The following NKAIN2 variants were observed in gnomAD, a reference collection of about 807,000 sequenced individuals.
NKAIN2 encodes the protein sodium/potassium transporting ATPase interacting 2.
A neutral mutation model predicts 32.6 loss-of-function variants in NKAIN2; 14 were observed. The observed-to-expected ratio is 0.43, with a 90% CI of 0.28 to 0.67. The LOEUF (loss-of-function observed/expected upper bound fraction) is 0.67, where lower values mean the gene tolerates loss of function less well. NKAIN2 is among the 30% of genes least tolerant of loss of function. The pLI is 0.17. For missense variants in NKAIN2, 198 were observed against 258.3 expected (o/e 0.77, Z 1.60); for synonymous variants, 80 against 87.2 (o/e 0.92, Z 0.46).
chr6:124,404,806 T>G (rs1773776351), intron 3 of NKAIN2, among the ~76,000 whole-genome samples: 1 of 152,214 alleles, frequency 6.6e-6, no homozygotes, highest in Non-Finnish European at 1.5e-5. Context: ...ATCATTAAAA[T>G]ATAAATCTTG....
intron 1 of NKAIN2, among the ~76,000 whole-genome samples, chr6:124,044,252 A>T (rs1370074816): frequency 1.3e-5 from 2 of 151,998 alleles, no homozygotes; most frequent in African/African-American, 4.8e-5. Flanking sequence ...TAGTTTTAGG[A>T]CCAAAACAAA....
rs538233306 is a variant in NKAIN2 at position 123,866,950 on chromosome 6, TC to T, written c.54+62697del. Among the ~76,000 whole-genome samples, 11 of 152,304 alleles carry T rather than the reference TC, an allele frequency of 7.2e-5. No homozygotes were observed. The South Asian group carries it at 2.3e-3, about 32-fold the overall frequency. On this transcript the variant is annotated intron_variant, in intron 1 of 6. Transcript: ENST00000368417. ...TTCCCTCATTCTAAAATTCTCGTGT[TC>T]TCCCATAGTGACTTTATTTGTAACT...
At chr6:124,574,505 C>T (rs1169476742) in intron 3 of NKAIN2, among the ~76,000 whole-genome samples, 2 of 152,094 alleles carry the variant, frequency 1.3e-5, no homozygotes, top group African/African-American at 4.8e-5. Context: ...GTAATCCCAG[C>T]TACTCATAAA....
intron 3 of NKAIN2, among the ~76,000 whole-genome samples, chr6:124,569,608 G>A (rs554422381): frequency 1.3e-4 from 20 of 152,098 alleles, no homozygotes; most frequent in African/African-American, 4.3e-4. Flanking sequence ...AGAGGTTTCT[G>A]CTTTTGCTTC....
chr6:124,199,052 A>G (rs953505362), intron 1 of NKAIN2, among the ~76,000 whole-genome samples: 1 of 152,158 alleles, frequency 6.6e-6, no homozygotes, highest in African/African-American at 2.4e-5. Context: ...ATTCCTTTAT[A>G]ATATTAAAAT....
At chr6:123,940,417 T>G (rs905667978) in intron 1 of NKAIN2, among the ~76,000 whole-genome samples, 2 of 151,758 alleles carry the variant, frequency 1.3e-5, no homozygotes, top group Admixed American at 6.6e-5. Context: ...CATCATTTAA[T>G]GACAGGGATT....
At chr6:124,260,795 T>C (rs1356933602) in intron 1 of NKAIN2, among the ~76,000 whole-genome samples, 1 of 152,176 alleles carries the variant, frequency 6.6e-6, no homozygotes, top group Non-Finnish European at 1.5e-5. Flanking sequence ...TATGAGCTAT[T>C]GTAGAGAAAA....
chr6:124,233,457 G>A (rs1198294420), intron 1 of NKAIN2, among the ~76,000 whole-genome samples: 1 of 152,138 alleles, frequency 6.6e-6, no homozygotes, highest in Non-Finnish European at 1.5e-5. Flanking sequence ...CAGTGATGCT[G>A]CCAAAGCAAG....
intron 1 of NKAIN2, among the ~76,000 whole-genome samples, chr6:124,055,382 A>G (rs1562331881): frequency 1.3e-5 from 2 of 152,096 alleles, no homozygotes; most frequent in Non-Finnish European, 2.9e-5. Flanking sequence ...TAATACTTTT[A>G]TCATAGACTG....
chr6:123,937,475 A>G lies in NKAIN2; in HGVS notation c.54+133221A>G, dbSNP rs531955312. On this transcript the variant is annotated intron_variant, in intron 1 of 6. Coordinates refer to ENST00000368417, the MANE Select transcript of NKAIN2 (RefSeq NM_001040214.3). ...AGATTGAGCCCATGCATTGACACTT[A>G]TTTGCTCCAGTTTATATAATAAAAA... Among the ~76,000 whole-genome samples the G allele has an allele frequency of 5.3e-5, 8 of 152,126 alleles. No individual in the cohort carries two copies. The South Asian group carries it at 1.7e-3, about 32-fold the overall frequency.
At chr6:124,437,992 G>A (rs544232832) in intron 3 of NKAIN2, 45 of 403,834 alleles carry the variant, frequency 1.1e-4, no homozygotes, top group Non-Finnish European at 1.9e-4. Flanking sequence ...AAATACAGAG[G>A]CATGTGGATA....
chr6:124,610,056 G>C lies in NKAIN2; in HGVS notation c.274-48130G>C, dbSNP rs545044764. On this transcript the variant is annotated intron_variant, in intron 3 of 6. Transcript: ENST00000368417. ...ATTATCACTCACGACCTCCTCCTCT[G>C]TGAAGTCATACCTGAGCTGGAGGCT... Among the ~76,000 whole-genome samples the C allele has an allele frequency of 6.6e-5, 10 of 152,264 alleles. No homozygotes were observed. In the South Asian group the frequency reaches 2.1e-3, roughly 32 times the overall value.
intron 1 of NKAIN2, among the ~76,000 whole-genome samples, chr6:124,122,472 AG>A (rs1398798224): frequency 6.6e-6 from 1 of 152,130 alleles, no homozygotes; most frequent in Non-Finnish European, 1.5e-5. Flanking sequence ...ATCGTTTTAA[AG>A]GAAATTTATT....
intron 3 of NKAIN2, among the ~76,000 whole-genome samples, chr6:124,597,674 C>T (rs1782145997): frequency 6.6e-6 from 1 of 152,060 alleles, no homozygotes; most frequent in African/African-American, 2.4e-5. Context: ...TACCTCTAAG[C>T]CACTCACAGA....
chr6:124,461,466 G>T (rs932850667), intron 3 of NKAIN2, among the ~76,000 whole-genome samples: 7 of 151,426 alleles, frequency 4.6e-5, no homozygotes, highest in Non-Finnish European at 1.0e-4. Context: ...CTTAATCTGT[G>T]TTGCTTTTTT....
At chr6:124,595,410 GA>G (rs1782048351) in intron 3 of NKAIN2, among the ~76,000 whole-genome samples, 1 of 152,146 alleles carries the variant, frequency 6.6e-6, no homozygotes, top group South Asian at 2.1e-4. Context: ...TAACATTGCA[GA>G]ACCTGACTTC....
intron 1 of NKAIN2, among the ~76,000 whole-genome samples, chr6:123,899,630 A>C (rs1473375360): frequency 6.6e-6 from 1 of 152,164 alleles, no homozygotes; most frequent in Non-Finnish European, 1.5e-5. Flanking sequence ...GGTCAAATCG[A>C]TCTCAAGTTT....
At chr6:124,673,589 A>G (rs1284839784) in intron 4 of NKAIN2, among the ~76,000 whole-genome samples, 1 of 152,026 alleles carries the variant, frequency 6.6e-6, no homozygotes, top group Admixed American at 6.6e-5. Context: ...CCTAACAAGT[A>G]TGAGGTGATA....
intron 2 of NKAIN2, among the ~76,000 whole-genome samples, chr6:124,340,338 T>G (rs1798064630): frequency 6.6e-6 from 1 of 152,168 alleles, no homozygotes; most frequent in Non-Finnish European, 1.5e-5. Flanking sequence ...AATCACTATA[T>G]GATTATTTTT....
Sources: gnomAD v4.1 joint callset for allele counts (sites outside exome capture counted in the v4.1 genomes callset) on GRCh38, gnomAD v4.1.1 for gene constraint, MANE v1.5 for transcripts, NCBI Gene and HGNC (gene_info 2026-07-23, HGNC 2026-07-21) for gene names.